KIAA0319: variants seen among roughly 807,000 people sequenced by gnomAD.
KIAA0319 encodes the protein KIAA0319, also known as dyslexia-associated protein KIAA0319.
A neutral mutation model predicts 108.4 loss-of-function variants in KIAA0319; 83 were observed. The ratio of observed to expected loss-of-function variants is 0.77; its 90% CI spans 0.64 to 0.92. The LOEUF is 0.92. KIAA0319 is among the 40% of genes least tolerant of loss of function. The probability of loss-of-function intolerance (pLI) is 0.00; values close to 1 mark genes in which losing one functional copy is unlikely to be tolerated. For missense variants in KIAA0319, 1,195 were observed against 1,322.4 expected, an observed-to-expected ratio of 0.90 and a Z score of 1.49; for synonymous variants, 484 against 510.4, an observed-to-expected ratio of 0.95 and a Z score of 0.70.
At chr6:24,557,840 CCCT>C (rs1762517591) in intron 17 of KIAA0319, among the ~76,000 whole-genome samples, 1 of 151,894 alleles carries the variant, frequency 6.6e-6, no homozygotes, top group Non-Finnish European at 1.5e-5. Context: ...AAGACATCCT[CCCT>C]CCTCAGCCTC....
chr6:24,550,941 C>A (rs1448844238), intron 20 of KIAA0319, among the ~76,000 whole-genome samples: 1 of 152,056 alleles, frequency 6.6e-6, no homozygotes, highest in South Asian at 2.1e-4. Context: ...TCTGCCCCCA[C>A]CCCCGCATTA....
chr6:24,602,626 C>T (rs1392178912), intron 1 of KIAA0319, among the ~76,000 whole-genome samples: 2 of 152,130 alleles, frequency 1.3e-5, no homozygotes, highest in East Asian at 3.9e-4. Flanking sequence ...CGGTGAAACC[C>T]CGTCTCTACT....
intron 9 of KIAA0319, among the ~76,000 whole-genome samples, chr6:24,577,869 T>C (rs535499924): frequency 6.6e-6 from 1 of 152,260 alleles, no homozygotes; most frequent in Non-Finnish European, 1.5e-5. Flanking sequence ...TAAATACAAA[T>C]GAATTAAATG....
chr6:24,575,653 G>A (rs528545379), intron 10 of KIAA0319, among the ~76,000 whole-genome samples: 3 of 152,200 alleles, frequency 2.0e-5, no homozygotes, highest in South Asian at 2.1e-4. Flanking sequence ...TGGAATGTCC[G>A]ATTTTATCTT....
At chr6:24,571,341 G>C (rs1245607954) in intron 11 of KIAA0319, among the ~76,000 whole-genome samples, 1 of 146,854 alleles carries the variant, frequency 6.8e-6, no homozygotes, top group Non-Finnish European at 1.5e-5. Context: ...CCAGGAGTTT[G>C]AGACCAGCCT....
intron 10 of KIAA0319, among the ~76,000 whole-genome samples, chr6:24,575,122 G>C (rs1312992196): frequency 2.0e-5 from 3 of 152,214 alleles, no homozygotes; most frequent in Admixed American, 1.3e-4. Flanking sequence ...ACCTCATTTT[G>C]TGATTGCCCC....
Position 24,582,070 on chromosome 6 carries a change from C to T in KIAA0319, c.1191+179G>A, listed in dbSNP as rs534203469. On this transcript the variant is annotated intron_variant, in intron 6 of 20. Coordinates refer to ENST00000378214, the MANE Select transcript of KIAA0319 (RefSeq NM_014809.4). ...CTGAGGCAGGAGAATCACTTGAACCCGGGAGGCAGAGGTTGCAGTGAGCTG... is the reference window on the plus strand; with the variant it reads ...CTGAGGCAGGAGAATCACTTGAACCTGGGAGGCAGAGGTTGCAGTGAGCTG... 7.2e-5 allele frequency among the ~76,000 whole-genome samples: 11 copies of T among 152,242 alleles called. No homozygotes were observed. The East Asian group carries it at 1.5e-3, about 21-fold the overall frequency.
Position 24,583,063 on chromosome 6 carries a change from T to C in KIAA0319, c.1093+541A>G, listed in dbSNP as rs80230518. 3.5e-5 allele frequency: 34 copies of C among 985,114 alleles called. No individual in the cohort carries two copies. In the East Asian group the frequency reaches 1.8e-3, roughly 53 times the overall value. 61.0% of individuals were successfully genotyped at this position (985,114 alleles called of 1,614,324 possible). A position where few individuals can be genotyped will look rare whatever the true frequency, so the allele number is the denominator to read the frequency against. On this transcript the variant is annotated intron_variant, in intron 5 of 20. Transcript: ENST00000378214. ...AAACACCTTAAGAATGAGTTTACCT[T>C]AAAAACAATGCATTTGACAGGCCAC...
intron 5 of KIAA0319, among the ~76,000 whole-genome samples, 157 bp from the exon 6 acceptor site, chr6:24,582,503 TTTTG>T (rs778380999): frequency 3.3e-5 from 5 of 151,670 alleles, no homozygotes; most frequent in Non-Finnish European, 7.4e-5. Flanking sequence ...TATATATATT[TTTTG>T]TTTATTTGTT....
At chr6:24,583,162 T>C in intron 5 of KIAA0319, 1 of 986,902 alleles carries the variant, frequency 1.0e-6, no homozygotes, top group Non-Finnish European at 1.2e-6. Flanking sequence ...GAATAAATTT[T>C]TTTGAGCAGC....
chr6:24,562,012 G>T (rs980991412), intron 16 of KIAA0319, among the ~76,000 whole-genome samples: 1 of 152,128 alleles, frequency 6.6e-6, no homozygotes, highest in East Asian at 1.9e-4. Flanking sequence ...CACCTGGCAA[G>T]TTTTTTGTGG....
At chr6:24,551,612 A>G in intron 19 of KIAA0319, 87 bp from the exon 20 acceptor site, 1 of 918,008 alleles carries the variant, frequency 1.1e-6, no homozygotes. Flanking sequence ...ACACTAAAGG[A>G]AACATTTTGC....
intron 3 of KIAA0319, among the ~76,000 whole-genome samples, chr6:24,592,547 T>C (rs1435036503): frequency 6.6e-6 from 1 of 152,214 alleles, no homozygotes; most frequent in Non-Finnish European, 1.5e-5. Flanking sequence ...ATTACAGTTG[T>C]GCATCAGTGT....
chr6:24,565,487 G>T (rs999347961), intron 14 of KIAA0319, among the ~76,000 whole-genome samples: 4 of 152,046 alleles, frequency 2.6e-5, no homozygotes, highest in African/African-American at 9.7e-5. Flanking sequence ...GGGCGCGGTG[G>T]CTCACGCCTG....
rs1561994201 is a variant in KIAA0319 at position 24,583,637 on chromosome 6, GTTCAAC to G, written c.1054_1059del (p.Val352_Glu353del). On this transcript the variant is annotated inframe_deletion, in exon 5 of 21. Coordinates refer to ENST00000378214, the MANE Select transcript of KIAA0319 (RefSeq NM_014809.4). ...GGCGCTGGCGCAACAAAGGCCTTCA[GTTCAAC>G]TTCATTGTCGGGTAAAGTTATAATT... 6.2e-7 allele frequency: 1 copy of G among 1,613,864 alleles called. No homozygotes were observed. The highest frequency in any genetic ancestry group is 1.7e-5 in the Admixed American group (1 of 60,000).
At chr6:24,576,703 T>C in intron 9 of KIAA0319, 107 bp from the exon 10 acceptor site, 2 of 865,872 alleles carry the variant, frequency 2.3e-6, no homozygotes, top group Non-Finnish European at 1.9e-6. Flanking sequence ...GAGGATCGCT[T>C]GAGCCCAGGA....
At chr6:24,595,260 A>G (rs1769286179) in intron 3 of KIAA0319, among the ~76,000 whole-genome samples, 1 of 152,104 alleles carries the variant, frequency 6.6e-6, no homozygotes, top group Non-Finnish European at 1.5e-5. Context: ...AAATGTCGCT[A>G]GAGTATCCAG....
At position 24,631,808 on chromosome 6, in the gene KIAA0319, C is replaced by A. The variant is rs563128464; in HGVS notation, c.-106+13928G>T. 1.2e-4 allele frequency among the ~76,000 whole-genome samples: 18 copies of A among 152,330 alleles called. No homozygotes were observed. In the South Asian group the frequency reaches 3.1e-3, roughly 26 times the overall value. ...TAAATTATCACCTTTAGAAAACATG[C>A]CCCAAGGAAGGCTAGAGAAAGTGCA... is the stretch of plus-strand genomic sequence containing the variant. On this transcript the variant is annotated intron_variant, in intron 1 of 20. Coordinates refer to ENST00000378214, the MANE Select transcript of KIAA0319 (RefSeq NM_014809.4).
In KIAA0319 at chr6:24,570,015, C is replaced by G. The variant is rs1764464294; in HGVS notation, c.1879G>C (p.Ala627Pro). The G allele has an allele frequency of 1.2e-6, 2 of 1,613,944 alleles. No homozygotes were observed. The highest frequency in any genetic ancestry group is 1.3e-5 in the African/African-American group (1 of 74,920). ...VQPENNRPPV[A>P]VAGPDKELIF... ...AGCTCTTTATCAGGGCCGGCCACAG[C>G]CACTGGAGGTCTATTGTTTTCTGGA... Residue 627 changes from alanine to proline, a missense_variant, in exon 12 of 21, where the codon GCT (alanine) becomes CCT (proline). By Grantham distance (27) the Ala-to-Pro change is conservative (BLOSUM62 -1). Transcript: ENST00000378214.
Sources: allele counts gnomAD v4.1 joint callset (sites outside exome capture counted in the v4.1 genomes callset), GRCh38; gene constraint gnomAD v4.1.1; transcripts MANE v1.5; gene names NCBI Gene and HGNC (gene_info 2026-07-23, HGNC 2026-07-21).